Variants in PDE4D observed in about 807,000 individuals in gnomAD.
PDE4D encodes phosphodiesterase 4D.
In PDE4D, 24 loss-of-function variants were observed where a neutral mutation model predicts 87.4. The observed-to-expected ratio is 0.27, with a 90% CI of 0.20 to 0.39. The LOEUF (loss-of-function observed/expected upper bound fraction) is 0.39, where lower values mean the gene tolerates loss of function less well. Ranked by LOEUF, PDE4D falls within the 10% of genes least tolerant of loss-of-function variation. The probability of loss-of-function intolerance (pLI) is 1.00; values close to 1 mark genes in which losing one functional copy is unlikely to be tolerated. For synonymous variants in PDE4D, 384 were observed against 383.2 expected, an observed-to-expected ratio of 1.00 and a Z score of -0.02; for missense variants, 714 against 1,041.0, an observed-to-expected ratio of 0.69 and a Z score of 4.32.
chr5:59,724,635 T>C (rs1261931836), intron 1 of PDE4D, among the ~76,000 whole-genome samples: 2 of 152,134 alleles, frequency 1.3e-5, no homozygotes, highest in Admixed American at 1.3e-4. Flanking sequence ...TTTATTGGCT[T>C]GTCCACAGAT....
chr5:59,933,965 A>G (rs984754747), intron 3 of PDE4D, among the ~76,000 whole-genome samples: 2 of 152,036 alleles, frequency 1.3e-5, no homozygotes, highest in African/African-American at 4.8e-5. Context: ...ATTTGATTAT[A>G]GAAGGTGAGG....
chr5:59,904,076 C>T (rs867205143), intron 3 of PDE4D, among the ~76,000 whole-genome samples: 43 of 152,094 alleles, frequency 2.8e-4, no homozygotes, highest in African/African-American at 9.7e-4. Context: ...ATTTCATGCA[C>T]TCAAGAATTT....
chr5:59,303,159 A>G (rs1770607332), intron 1 of PDE4D, among the ~76,000 whole-genome samples: 1 of 151,968 alleles, frequency 6.6e-6, no homozygotes, highest in African/African-American at 2.4e-5. Flanking sequence ...GCATTTTTTC[A>G]TATGTTTGCT....
intron 1 of PDE4D, among the ~76,000 whole-genome samples, chr5:60,355,691 TTA>T (rs977462090): frequency 5.3e-5 from 8 of 151,870 alleles, no homozygotes; most frequent in African/African-American, 1.9e-4. Flanking sequence ...ATTTTGTATA[TTA>T]TATATATATT....
At position 60,143,603 on chromosome 5, in the gene PDE4D, T is replaced by TTGTGTGTGTGTGTGTGTGTGTG. The variant is rs34236719; in HGVS notation, c.42+41932_42+41953dup. Among the ~76,000 whole-genome samples, 247 of 117,742 alleles carry TTGTGTGTGTGTGTGTGTGTGTG rather than the reference T, an allele frequency of 2.1e-3. 3 individuals are homozygous for TTGTGTGTGTGTGTGTGTGTGTG. Among genetic ancestry groups the TTGTGTGTGTGTGTGTGTGTGTG allele is most frequent in the African/African-American group, 7.5e-3 (225 of 30,146 alleles). 77.2% of individuals were successfully genotyped at this position (117,742 alleles called of 152,430 possible). Reference sequence around the variant, plus strand: ...AAATGACCTAGGAGCAGCTTGGGAATTGTGTGTGTGTGTGTGTGTGTGTGT... The same window carrying TTGTGTGTGTGTGTGTGTGTGTG: ...AAATGACCTAGGAGCAGCTTGGGAATTGTGTGTGTGTGTGTGTGTGTGTGTGTGTGTGTGTGTGTGTGTGTGT... On this transcript the variant is annotated intron_variant, in intron 2 of 16. Transcript: ENST00000502484.
chr5:60,186,450 A>G (rs543396127), intron 1 of PDE4D, among the ~76,000 whole-genome samples: 46 of 152,300 alleles, frequency 3.0e-4, no homozygotes, highest in African/African-American at 1.1e-3. Flanking sequence ...TCGAATAGCT[A>G]TATGTGCTGT....
chr5:59,824,617 CAATT>C (rs1404448347), intron 1 of PDE4D, among the ~76,000 whole-genome samples: 1 of 152,176 alleles, frequency 6.6e-6, no homozygotes, highest in Non-Finnish European at 1.5e-5. Flanking sequence ...CTAAATAAAT[CAATT>C]AATTAACTTG....
At chr5:59,049,692 A>T (rs80162459) in intron 5 of PDE4D, among the ~76,000 whole-genome samples, 2,304 of 152,322 alleles carry the variant, frequency 0.015, 30 homozygotes, top group Non-Finnish European at 0.023. Context: ...TCATATTATC[A>T]ATATTTTTCA....
intron 1 of PDE4D, among the ~76,000 whole-genome samples, chr5:60,359,531 A>G (rs1318573111): frequency 2.0e-5 from 3 of 152,220 alleles, no homozygotes; most frequent in South Asian, 4.1e-4. Context: ...TCCCCTATAA[A>G]TATTTGAATA....
chr5:60,386,566 G>C (rs1481136227), intron 1 of PDE4D, among the ~76,000 whole-genome samples: 5 of 152,188 alleles, frequency 3.3e-5, no homozygotes, highest in African/African-American at 1.2e-4. Flanking sequence ...CTCTGCAGGG[G>C]GGTTCTGCCA....
intron 1 of PDE4D, among the ~76,000 whole-genome samples, chr5:60,412,043 G>A (rs185586644): frequency 1.6e-4 from 24 of 152,178 alleles, no homozygotes; most frequent in African/African-American, 5.3e-4. Flanking sequence ...TTTAGCTGAG[G>A]GTTTTTATCC....
intron 2 of PDE4D, among the ~76,000 whole-genome samples, chr5:59,209,995 C>T (rs963890753): frequency 6.6e-6 from 1 of 152,212 alleles, no homozygotes; most frequent in Non-Finnish European, 1.5e-5. Context: ...TGGCCCTAGT[C>T]CCATCACTCC....
chr5:59,941,742 G>A (rs1757205958), intron 3 of PDE4D, among the ~76,000 whole-genome samples: 1 of 152,232 alleles, frequency 6.6e-6, no homozygotes, highest in Non-Finnish European at 1.5e-5. Context: ...TTAGTTGGGA[G>A]GTGGCAGCAC....
At chr5:60,300,656 A>G (rs549821104) in intron 1 of PDE4D, among the ~76,000 whole-genome samples, 1 of 152,254 alleles carries the variant, frequency 6.6e-6, no homozygotes, top group African/African-American at 2.4e-5. Flanking sequence ...TTAAGTATGG[A>G]ATGCTTTCCC....
intron 1 of PDE4D, among the ~76,000 whole-genome samples, chr5:59,704,966 A>G (rs908717605): frequency 6.6e-6 from 1 of 152,218 alleles, no homozygotes; most frequent in African/African-American, 2.4e-5. Flanking sequence ...TACCAATATT[A>G]GTCAAAGCTG....
At chr5:59,044,393 C>A (rs1760261701) in intron 5 of PDE4D, among the ~76,000 whole-genome samples, 1 of 152,218 alleles carries the variant, frequency 6.6e-6, no homozygotes, top group Non-Finnish European at 1.5e-5. Context: ...TCTCCCTAAC[C>A]AGTTCCAGCT....
Position 59,336,784 on chromosome 5 carries a change from C to T in PDE4D, c.456-120816G>A, listed in dbSNP as rs1004387050. On this transcript the variant is annotated intron_variant, in intron 1 of 14. Coordinates refer to ENST00000340635, the MANE Select transcript of PDE4D (RefSeq NM_001104631.2). ...CTTTTTTTGGCTTTCCTTTCTTCTA[C>T]GGCCTTCTCCATCTTCCAAGACCCA... Among the ~76,000 whole-genome samples, 6 of 152,224 alleles carry T rather than the reference C, an allele frequency of 3.9e-5. 1 individual carries two copies. In the South Asian group the frequency reaches 6.2e-4, roughly 16 times the overall value.
Position 60,236,535 on chromosome 5 carries a change from A to G in PDE4D, c.-89-50848T>C, listed in dbSNP as rs190394496. Among the ~76,000 whole-genome samples, 1,108 of 152,052 alleles carry G rather than the reference A, an allele frequency of 7.3e-3. 8 individuals carry two copies. Among genetic ancestry groups the G allele is most frequent in the Non-Finnish European group, 0.013 (860 of 67,894 alleles). On this transcript the variant is annotated intron_variant, in intron 1 of 16. Coordinates refer to the PDE4D transcript ENST00000502484. Reference sequence around the variant, plus strand: ...ATGATAGGCAGAACAATGGCTCCCTAAAAATGTCTACACCCAATCCTCAGA... The same window carrying G: ...ATGATAGGCAGAACAATGGCTCCCTGAAAATGTCTACACCCAATCCTCAGA...
At chr5:60,405,062 C>T (rs1051303022) in intron 1 of PDE4D, among the ~76,000 whole-genome samples, 2 of 152,222 alleles carry the variant, frequency 1.3e-5, no homozygotes, top group Non-Finnish European at 2.9e-5. Flanking sequence ...CTAAATTTGG[C>T]TGACATCTGT....
Sources: gnomAD v4.1 joint callset for allele counts (sites outside exome capture counted in the v4.1 genomes callset) on GRCh38, gnomAD v4.1.1 for gene constraint, MANE v1.5 for transcripts, NCBI Gene and HGNC (gene_info 2026-07-23, HGNC 2026-07-21) for gene names.